The following TPR variants were observed in gnomAD, a reference collection of about 807,000 sequenced individuals.
The protein encoded by TPR is translocated promoter region, nuclear basket protein.
A neutral mutation model predicts 316.1 loss-of-function variants in TPR; 51 were observed. That is an observed-to-expected ratio of 0.16 (90% confidence interval 0.13 to 0.20). The LOEUF is 0.20. TPR is among the 10% of genes least tolerant of loss of function. The probability of loss-of-function intolerance (pLI) is 1.00; values close to 1 mark genes in which losing one functional copy is unlikely to be tolerated. For synonymous variants in TPR, 981 were observed against 914.7 expected, an observed-to-expected ratio of 1.07 and a Z score of -1.31; for missense variants, 2,272 against 2,754.8, an observed-to-expected ratio of 0.82 and a Z score of 3.92.
At chr1:186,343,552 G>A in intron 26 of TPR, 79 bp from the exon 27 acceptor site, 4 of 1,344,762 alleles carry the variant, frequency 3.0e-6, no homozygotes, top group Admixed American at 2.3e-5. Flanking sequence ...TTGGTAAGAT[G>A]ACAAAAATCA....
Position 186,362,995 on chromosome 1 carries a change from C to G in TPR, c.538G>C (p.Glu180Gln). 3 of 1,598,916 alleles carry G rather than the reference C, an allele frequency of 1.9e-6. No homozygotes were observed. The highest frequency in any genetic ancestry group is 2.5e-6 in the Non-Finnish European group (3 of 1,176,778). Residue 180 changes from glutamate to glutamine, a missense_variant, in exon 6 of 51, where the codon GAA becomes CAA. Around this residue, in one of 10 missense-constraint regions of TPR, gnomAD observed 549 missense variants for 598.6 expected, o/e 0.92. Transcript: ENST00000367478. ...TCCTTTTCTTGCTCCAAGCGTTTTT[C>G]TCGATACTAAAGAAATCCAAGAAAA... ...QASDVSVKYR[E>Q]KRLEQEKELL... is the part of the protein sequence containing the mutation.
chr1:186,361,734 C>T (rs1236596210), intron 8 of TPR, 25 bp from the exon 9 acceptor site: 1 of 1,612,940 alleles, frequency 6.2e-7, no homozygotes, highest in Non-Finnish European at 8.5e-7. Context: ...TAAAAAGTTA[C>T]CTAACAGTCA....
intron 50 of TPR, chr1:186,314,347 A>C (rs2102044616): frequency 2.6e-6 from 1 of 382,684 alleles, no homozygotes; most frequent in African/African-American, 2.1e-5. Context: ...CAACAAATGA[A>C]TATAACACTA....
chr1:186,344,407 C>T lies in TPR; in HGVS notation c.3385G>A (p.Ala1129Thr), dbSNP rs1658613966. 6.2e-7 allele frequency: 1 copy of T among 1,614,002 alleles called. No homozygotes were observed. Among genetic ancestry groups the T allele is most frequent in the Non-Finnish European group, 8.5e-7 (1 of 1,179,996 alleles). Residue 1129 changes from alanine to threonine, a missense_variant, in exon 25 of 51, where the codon GCA becomes ACA. Physicochemically the swap from Ala to Thr is moderately conservative, Grantham distance 58. This residue lies in a region of TPR where 757 missense variants were observed against 859.8 expected (regional missense o/e 0.88). Transcript: ENST00000367478. The stretch of plus-strand genomic sequence containing the variant: ...ATTCTCTCTCTTTCCTCCCAAGATG[C>T]TTTACACTCCAACAACTGTGATTCT... The part of the protein sequence containing the change: ...KAESQLLECK[A>T]SWEERERMLK...
chr1:186,333,769 G>A (rs1423735834), intron 36 of TPR, among the ~76,000 whole-genome samples: 2 of 152,148 alleles, frequency 1.3e-5, no homozygotes, highest in Non-Finnish European at 2.9e-5. Context: ...TTTATTGGAT[G>A]TAGCTGAAAT....
At chr1:186,314,468 GA>G in intron 50 of TPR, 160 bp downstream of exon 50, 2 of 481,506 alleles carry the variant, frequency 4.2e-6, no homozygotes, top group Non-Finnish European at 7.3e-6. Context: ...CTGTCTACAT[GA>G]AGTTTACAGA....
Position 186,358,619 on chromosome 1 carries a change from T to C in TPR, c.1421A>G (p.Lys474Arg). ...EIQRLQEDTD[K>R]ANKQSSVLER... ...AAGTACAGATGATTGCTTGTTGGCT[T>C]TATCAGTGTCCTCCTGCAATCGCTG... Residue 474 changes from lysine to arginine, a missense_variant, in exon 13 of 51, where the codon AAA becomes AGA. Coordinates refer to ENST00000367478, the MANE Select transcript of TPR (RefSeq NM_003292.3). 1 of 1,612,640 alleles carries C rather than the reference T, an allele frequency of 6.2e-7. No individual in the cohort carries two copies. The highest frequency in any genetic ancestry group is 8.5e-7 in the Non-Finnish European group (1 of 1,179,384).
Position 186,354,898 on chromosome 1 carries a change from T to TTTTTA in TPR, c.2171+507_2171+511dup, listed in dbSNP as rs139877168. Among the ~76,000 whole-genome samples the TTTTTA allele has an allele frequency of 7.4e-3, 1,128 of 151,668 alleles. 19 individuals carry two copies. The highest frequency in any genetic ancestry group is 0.025 in the African/African-American group (1,022 of 41,350). On this transcript the variant is annotated intron_variant, in intron 17 of 50. Transcript: ENST00000367478. ...CATTCCTCACATGAACTTCAACTTA[T>TTTTTA]TTTTATTTTATTTTATTTTTTTGAG...
chr1:186,365,097 C>G (rs918727931), intron 4 of TPR, among the ~76,000 whole-genome samples: 2 of 85,176 alleles, frequency 2.3e-5, no homozygotes, highest in Non-Finnish European at 2.4e-5. Context: ...AGTAAAGGGG[C>G]TGCCCTTTTT....
In TPR at chr1:186,326,113, A is replaced by G; in HGVS notation, c.6012T>C (p.Asp2004=). Residue 2004 remains aspartate, a synonymous_variant, in exon 41 of 51, where the codon GAT becomes GAC. Coordinates refer to ENST00000367478, the MANE Select transcript of TPR (RefSeq NM_003292.3). The part of the protein sequence containing the change: ...SADGNDGYEA[D]DAEGGDGTDP... The stretch of plus-strand genomic sequence containing the variant: ...AATTCTAGCCAGTTACCTCAGCATC[A>G]TCAGCTTCATAACCATCATTGCCAT... The G allele has an allele frequency of 6.2e-7, 1 of 1,613,766 alleles. No individual in the cohort carries two copies. Among genetic ancestry groups the G allele is most frequent in the Non-Finnish European group, 8.5e-7 (1 of 1,179,784 alleles).
intron 23 of TPR, 113 bp from the exon 24 acceptor site, chr1:186,345,809 A>T (rs1658659903): frequency 1.3e-6 from 1 of 758,776 alleles, no homozygotes; most frequent in Non-Finnish European, 2.1e-6. Flanking sequence ...AATTAGCCCA[A>T]AAAACTGCTG....
At chr1:186,348,277 T>G (rs890309799) in intron 21 of TPR, among the ~76,000 whole-genome samples, 3 of 152,148 alleles carry the variant, frequency 2.0e-5, no homozygotes, top group Non-Finnish European at 4.4e-5. Flanking sequence ...TGGGAATGTC[T>G]GTCTTGTGCA....
intron 45 of TPR, among the ~76,000 whole-genome samples, chr1:186,321,678 A>G (rs902815119): frequency 6.6e-6 from 1 of 152,122 alleles, no homozygotes; most frequent in Non-Finnish European, 1.5e-5. Flanking sequence ...ATCATCTCAT[A>G]TTCTTTCTCA....
intron 45 of TPR, 52 bp from the exon 46 acceptor site, chr1:186,320,470 ACC>A: frequency 6.8e-7 from 1 of 1,476,664 alleles, no homozygotes; most frequent in African/African-American, 1.4e-5. Flanking sequence ...ACCTATTTAA[ACC>A]ACAATGGTGA....
At chr1:186,330,735 A>G (rs1479615334) in intron 39 of TPR, among the ~76,000 whole-genome samples, 2 of 152,050 alleles carry the variant, frequency 1.3e-5, no homozygotes, top group African/African-American at 2.4e-5. Flanking sequence ...GAGCAAAATG[A>G]TATCACTAAT....
At chr1:186,343,009 A>G (rs1658555115) in intron 27 of TPR, 1 of 206,208 alleles carries the variant, frequency 4.8e-6, no homozygotes, top group African/African-American at 2.3e-5. Context: ...TAAATGCTTC[A>G]TGTGCACAAA....
chr1:186,357,340 C>A, intron 14 of TPR, 57 bp downstream of exon 14: 3 of 1,557,500 alleles, frequency 1.9e-6, no homozygotes, highest in Non-Finnish European at 1.8e-6. Context: ...AGACACTGAG[C>A]CTAGCTGAGG....
chr1:186,341,364 T>C lies in TPR; in HGVS notation c.3776A>G (p.His1259Arg). The change falls in exon 28 of 51, where the codon CAT (histidine) becomes CGT (arginine). Residue 1259 changes from histidine to arginine, a missense_variant. His to Arg is a conservative substitution (Grantham distance 29). Transcript: ENST00000367478. ...TTCAGTTTTCTTCATCAGTTCTTCA[T>C]GCTGAGCCATTGTTTTTGCAGTTAC... ...VQVTAKTMAQ[H>R]EELMKKTETM... 6 of 1,613,266 alleles carry C rather than the reference T, an allele frequency of 3.7e-6. No individual in the cohort carries two copies. The highest frequency in any genetic ancestry group is 3.4e-6 in the Non-Finnish European group (4 of 1,179,926).
At chr1:186,336,392 A>G (rs77630827) in intron 33 of TPR, 104 bp downstream of exon 33, 310 of 1,065,676 alleles carry the variant, frequency 2.9e-4, no homozygotes, top group Non-Finnish European at 4.2e-4. Context: ...ACACACAAAC[A>G]CCCTTCATAA....
Sources: allele counts gnomAD v4.1 joint callset (sites outside exome capture counted in the v4.1 genomes callset), GRCh38; gene constraint gnomAD v4.1.1; regional missense constraint gnomAD v4.1.1; transcripts MANE v1.5; gene names NCBI Gene and HGNC (gene_info 2026-07-23, HGNC 2026-07-21).